Variants in CPLANE1 observed in about 807,000 individuals in gnomAD.
The protein encoded by CPLANE1 is ciliogenesis and planar polarity effector 1.
In CPLANE1, 263 loss-of-function variants were observed where a neutral mutation model predicts 362.5. The ratio of observed to expected loss-of-function variants is 0.73; its 90% CI spans 0.66 to 0.80. The LOEUF is 0.80. Among genes scored for constraint, CPLANE1 ranks in the 30% least tolerant of loss-of-function variants. The pLI is 0.00. For missense variants in CPLANE1, 3,461 were observed against 3,793.4 expected, an observed-to-expected ratio of 0.91 and a Z score of 2.30; for synonymous variants, 1,212 against 1,302.6, an observed-to-expected ratio of 0.93 and a Z score of 1.50.
chr5:37,205,998 G>C (rs1304453450), intron 17 of CPLANE1, among the ~76,000 whole-genome samples, 199 bp downstream of exon 17: 1 of 152,010 alleles, frequency 6.6e-6, no homozygotes. Flanking sequence ...TTAATTCCTT[G>C]GTCTCACTGG....
intron 49 of CPLANE1, 70 bp downstream of exon 49, chr5:37,121,547 G>A (rs1762627431): frequency 8.3e-6 from 12 of 1,448,184 alleles, no homozygotes; most frequent in South Asian, 2.4e-5. Flanking sequence ...CTTAGGTCAC[G>A]AAAGTGCTAC....
rs1464806204 is a variant in CPLANE1 at position 37,247,639 on chromosome 5, T to G, written c.60A>C (p.Pro20=). The G allele has an allele frequency of 6.4e-7, 1 of 1,551,246 alleles. No homozygotes were observed. The highest frequency in any genetic ancestry group is 2.0e-5 in the Admixed American group (1 of 50,928). ...STGIKQKKPW[P]RVSWLGKEKE... is the part of the protein sequence containing the mutation. The stretch of plus-strand genomic sequence containing the variant: ...CTACCTTTCCCAACCAGGAGACACG[T>G]GGCCATGGTTTTTTCTGCTTAATAC... Residue 20 remains proline, a synonymous_variant, in exon 2 of 53, where the codon CCA becomes CCC. Coordinates refer to ENST00000651892, the MANE Select transcript of CPLANE1 (RefSeq NM_001384732.1).
At chr5:37,211,894 C>T in intron 16 of CPLANE1, 1 of 787,270 alleles carries the variant, frequency 1.3e-6, no homozygotes, top group East Asian at 2.4e-5. Context: ...ATGGATGGGC[C>T]CTCTCCTGCC....
chr5:37,138,392 T>C, intron 46 of CPLANE1: 1 of 359,476 alleles, frequency 2.8e-6, no homozygotes, highest in Admixed American at 3.6e-5. Flanking sequence ...GCATGATAGA[T>C]CAGAAAGCCT....
At position 37,191,707 on chromosome 5, in the gene CPLANE1, C is replaced by T. The variant is rs78754499; in HGVS notation, c.3812-3865G>A. On this transcript the variant is annotated intron_variant, in intron 21 of 52. Transcript: ENST00000651892. ...ATAAATTAGCTGGTACAGTGGCTTACGCCTGTAGTCCCAGTACTCAAGGGG... is the reference window on the plus strand; with the variant it reads ...ATAAATTAGCTGGTACAGTGGCTTATGCCTGTAGTCCCAGTACTCAAGGGG... 1.5e-3 allele frequency among the ~76,000 whole-genome samples: 235 copies of T among 152,130 alleles called. 1 individual carries two copies. Among genetic ancestry groups the T allele is most frequent in the African/African-American group, 5.4e-3 (226 of 41,510 alleles).
intron 1 of CPLANE1, among the ~76,000 whole-genome samples, chr5:37,248,421 T>G (rs1740570246): frequency 6.6e-6 from 1 of 152,202 alleles, no homozygotes; most frequent in South Asian, 2.1e-4. Context: ...TGATCCACTG[T>G]GCCCGGCCAA....
At chr5:37,143,807 C>T (rs184090469) in intron 43 of CPLANE1, among the ~76,000 whole-genome samples, 5 of 150,618 alleles carry the variant, frequency 3.3e-5, no homozygotes, top group Admixed American at 6.6e-5. Flanking sequence ...TGGTGGCACA[C>T]GCCTGTAATC....
intron 21 of CPLANE1, among the ~76,000 whole-genome samples, chr5:37,190,424 AC>A (rs561471646): frequency 6.6e-6 from 1 of 151,634 alleles, no homozygotes; most frequent in African/African-American, 2.4e-5. Context: ...AAAAAAAAAA[AC>A]AAAAAAACCA....
intron 8 of CPLANE1, among the ~76,000 whole-genome samples, chr5:37,235,959 G>A (rs1015860969): frequency 2.8e-5 from 4 of 144,214 alleles, no homozygotes; most frequent in East Asian, 2.1e-4. Context: ...AACCTCCACC[G>A]CCAGGGTTCA....
the CPLANE1 span, among the ~76,000 whole-genome samples, chr5:37,090,805 C>T: frequency 6.6e-6 from 1 of 152,214 alleles, no homozygotes; most frequent in African/African-American, 2.4e-5. Flanking sequence ...ACTTGGCTTA[C>T]ACTGTTTATT....
chr5:37,085,192 T>C, the CPLANE1 span: 1 of 832,558 alleles, frequency 1.2e-6, no homozygotes, highest in East Asian at 2.4e-5. Context: ...CCCCTCATCA[T>C]TTTCCTAAGG....
chr5:37,138,761 A>T lies in CPLANE1; in HGVS notation c.8751T>A (p.Ser2917Arg), dbSNP rs770084934. 18 of 1,612,998 alleles carry T rather than the reference A, an allele frequency of 1.1e-5. No individual in the cohort carries two copies. Among genetic ancestry groups the T allele is most frequent in the Non-Finnish European group, 1.4e-5 (17 of 1,179,552 alleles). Residue 2917 changes from serine (S) to arginine (R), a missense_variant, in exon 46 of 53, where the codon AGT becomes AGA. Ser to Arg is a moderately radical substitution (Grantham distance 110, BLOSUM62 -1). Transcript: ENST00000651892. Reference sequence around the variant, plus strand: ...CTTGTTCTGTTAAGCCAAGTTCTTCACTGGAAACTCCGTCTTTAATTATAA... The same window carrying T: ...CTTGTTCTGTTAAGCCAAGTTCTTCTCTGGAAACTCCGTCTTTAATTATAA... ...DDLIIKDGVS[S>R]EELGLTEQAM...
intron 14 of CPLANE1, 64 bp downstream of exon 14, chr5:37,224,189 G>T: frequency 9.3e-7 from 1 of 1,078,872 alleles, no homozygotes; most frequent in Non-Finnish European, 1.4e-6. Flanking sequence ...TACTGTTAAG[G>T]TCTACAGCAA....
intron 50 of CPLANE1, among the ~76,000 whole-genome samples, chr5:37,116,608 G>A (rs1761071264): frequency 6.7e-6 from 1 of 148,398 alleles, no homozygotes. Flanking sequence ...GACAGAATGA[G>A]TTCCTGTGTC....
At chr5:37,101,866 A>G (rs1202566598), downstream of CPLANE1, among the ~76,000 whole-genome samples, 1 of 151,888 alleles carries the variant, frequency 6.6e-6, no homozygotes, top group East Asian at 1.9e-4. Flanking sequence ...TATTTCTTCC[A>G]GATTTTCTAG....
intron 19 of CPLANE1, among the ~76,000 whole-genome samples, chr5:37,199,559 C>G (rs1359319988): frequency 6.6e-6 from 1 of 152,192 alleles, no homozygotes; most frequent in Non-Finnish European, 1.5e-5. Context: ...TGTCATTTGT[C>G]TTCGTATGGC....
At chr5:37,221,035 C>T (rs1345391877) in intron 15 of CPLANE1, among the ~76,000 whole-genome samples, 1 of 152,094 alleles carries the variant, frequency 6.6e-6, no homozygotes, top group Non-Finnish European at 1.5e-5. Flanking sequence ...AACAAACAAA[C>T]AAAAAACTTC....
Position 37,121,756 on chromosome 5 carries a change from G to A in CPLANE1, c.9046C>T (p.Arg3016Ter), listed in dbSNP as rs150242262. ...ATCAGACCGTACGCTTGTGAGATTCGACGACTATAGTGTTCAGAGAGCAGC... is the reference window on the plus strand; with the variant it reads ...ATCAGACCGTACGCTTGTGAGATTCAACGACTATAGTGTTCAGAGAGCAGC... Reference protein sequence around the residue: ...RLLLSEHYSRRISQAYGLMNE... With the variant: ...RLLLSEHYSR Residue 3016 changes from arginine to a stop codon, truncating the protein, a stop_gained, in exon 49 of 53, where the codon CGA becomes TGA. Transcript: ENST00000651892. LOFTEE classifies it high-confidence loss of function. 8.7e-6 allele frequency: 14 copies of A among 1,613,786 alleles called. No individual in the cohort carries two copies. Among genetic ancestry groups the A allele is most frequent in the African/African-American group, 4.0e-5 (3 of 74,888 alleles).
intron 24 of CPLANE1, among the ~76,000 whole-genome samples, chr5:37,186,078 C>A (rs893141328): frequency 6.6e-6 from 1 of 152,170 alleles, no homozygotes; most frequent in African/African-American, 2.4e-5. Flanking sequence ...ACTGACAGAG[C>A]CATGAGCCGA....
Sources: gnomAD v4.1 joint callset for allele counts (sites outside exome capture counted in the v4.1 genomes callset) on GRCh38, gnomAD v4.1.1 for gene constraint, MANE v1.5 for transcripts, NCBI Gene and HGNC (gene_info 2026-07-23, HGNC 2026-07-21) for gene names.